JARID2: variants seen among roughly 807,000 people sequenced by gnomAD.
The protein encoded by JARID2 is jumonji and AT-rich interaction domain containing 2.
JARID2 carries 21 observed loss-of-function variants against 125.6 expected under a neutral mutation model. That is an observed-to-expected ratio of 0.17 (90% CI 0.12 to 0.24). The LOEUF is 0.24. JARID2 is among the 10% of genes least tolerant of loss of function. The probability of loss-of-function intolerance (pLI) is 1.00; values close to 1 mark genes in which losing one functional copy is unlikely to be tolerated. For missense variants in JARID2, 1,303 were observed against 1,639.6 expected (o/e 0.79, Z 3.55); for synonymous variants, 736 against 661.6 (o/e 1.11, Z -1.73).
Position 15,513,013 on chromosome 6 carries a change from C to G in JARID2, c.3234C>G (p.Leu1078=). ...AEAKKENGPT[L]STISALLDEL... ...CAAAAAAAGAAAACGGTCCCACTCT[C>G]AGTACCATCTCAGCCCTCCTGGATG... The change falls in exon 15 of 18, where the codon CTC becomes CTG. Residue 1078 remains leucine, a synonymous_variant. Transcript: ENST00000341776. 6.2e-7 allele frequency: 1 copy of G among 1,614,112 alleles called. No homozygotes were observed. Among genetic ancestry groups the G allele is most frequent in the South Asian group, 1.1e-5 (1 of 91,090 alleles).
chr6:15,406,960 T>C lies in JARID2; in HGVS notation c.182-3264T>C, dbSNP rs74739751. ...GTGTCTTTTTTTTTCTGCAAAATTATTGATAAAAGGTACATGAGGCCATGT... is the reference window on the plus strand; with the variant it reads ...GTGTCTTTTTTTTTCTGCAAAATTACTGATAAAAGGTACATGAGGCCATGT... On this transcript the variant is annotated intron_variant, in intron 2 of 17. Coordinates refer to ENST00000341776, the MANE Select transcript of JARID2 (RefSeq NM_004973.4). Among the ~76,000 whole-genome samples the C allele has an allele frequency of 2.6e-5, 4 of 152,232 alleles. No individual in the cohort carries two copies. The East Asian group carries it at 5.8e-4, about 22-fold the overall frequency.
At chr6:15,294,283 C>G (rs1397933094) in intron 1 of JARID2, among the ~76,000 whole-genome samples, 3 of 152,130 alleles carry the variant, frequency 2.0e-5, no homozygotes, top group Non-Finnish European at 4.4e-5. Context: ...GCCTCCACCT[C>G]CCGGGTTCAA....
chr6:15,249,699 G>A (rs1759364301), intron 1 of JARID2, among the ~76,000 whole-genome samples: 1 of 152,158 alleles, frequency 6.6e-6, no homozygotes, highest in Non-Finnish European at 1.5e-5. Flanking sequence ...CTGCTGAGTT[G>A]CCATTTAGTT....
At chr6:15,267,246 C>G (rs748402800) in intron 1 of JARID2, among the ~76,000 whole-genome samples, 2 of 152,136 alleles carry the variant, frequency 1.3e-5, no homozygotes, top group Non-Finnish European at 2.9e-5. Context: ...AACTATTCTC[C>G]CACTCCCATG....
At chr6:15,399,596 CAA>C (rs1765347852) in intron 2 of JARID2, among the ~76,000 whole-genome samples, 1 of 152,068 alleles carries the variant, frequency 6.6e-6, no homozygotes, top group South Asian at 2.1e-4. Flanking sequence ...ATTTAGGAAA[CAA>C]GAGTTGGCCA....
intron 12 of JARID2, chr6:15,509,096 T>C (rs1561914983): frequency 1.6e-6 from 2 of 1,289,296 alleles, no homozygotes; most frequent in South Asian, 2.5e-5. Flanking sequence ...GGCGAGGTGT[T>C]CTGGGTCCCC....
intron 1 of JARID2, among the ~76,000 whole-genome samples, chr6:15,345,937 G>A (rs965208037): frequency 6.6e-6 from 1 of 152,226 alleles, no homozygotes; most frequent in Admixed American, 6.5e-5. Flanking sequence ...CTTGGGATAA[G>A]TTAGCTTTTC....
intron 2 of JARID2, among the ~76,000 whole-genome samples, chr6:15,394,118 A>G (rs983106096): frequency 6.6e-6 from 1 of 152,106 alleles, no homozygotes; most frequent in African/African-American, 2.4e-5. Flanking sequence ...TATATGAGCT[A>G]TGTCTAGTCT....
chr6:15,293,088 C>T (rs1761285829), intron 1 of JARID2, among the ~76,000 whole-genome samples: 1 of 152,332 alleles, frequency 6.6e-6, no homozygotes, highest in Non-Finnish European at 1.5e-5. Context: ...GGAAGTTGAT[C>T]TTTGTCTGTC....
chr6:15,262,815 C>T (rs1759934609), intron 1 of JARID2, among the ~76,000 whole-genome samples: 1 of 152,176 alleles, frequency 6.6e-6, no homozygotes, highest in Admixed American at 6.5e-5. Context: ...AGGCGTGAGC[C>T]ACCGTGCCCG....
intron 6 of JARID2, among the ~76,000 whole-genome samples, chr6:15,494,716 A>AC (rs1172319562): frequency 2.0e-5 from 3 of 151,552 alleles, no homozygotes; most frequent in African/African-American, 7.3e-5. Flanking sequence ...TCCATGCCCC[A>AC]CCCCCACTTA....
chr6:15,498,075 G>A (rs1770553694), intron 7 of JARID2, among the ~76,000 whole-genome samples: 1 of 152,156 alleles, frequency 6.6e-6, no homozygotes, highest in South Asian at 2.1e-4. Context: ...GGTACTGGAG[G>A]TCAGGGCTTC....
rs1431722553 is a variant in JARID2 at position 15,496,926 on chromosome 6, C to T, written c.1701C>T (p.Phe567=). Residue 567 remains phenylalanine, a synonymous_variant, in exon 7 of 18, where the codon TTC becomes TTT. Coordinates refer to ENST00000341776, the MANE Select transcript of JARID2 (RefSeq NM_004973.4). ...TCCTCAGGCCCTCCGCCAAGGAGTT[C>T]CACGATCCGCTCATCTACATCGAGT... ...IPVLRPSAKE[F]HDPLIYIESV... The T allele has an allele frequency of 1.4e-5, 23 of 1,602,782 alleles. No homozygotes were observed. Among genetic ancestry groups the T allele is most frequent in the Non-Finnish European group, 2.0e-5 (23 of 1,172,100 alleles).
At chr6:15,445,927 A>G (rs958933989) in intron 3 of JARID2, among the ~76,000 whole-genome samples, 1 of 152,154 alleles carries the variant, frequency 6.6e-6, no homozygotes, top group Non-Finnish European at 1.5e-5. Flanking sequence ...TTTTATTCTT[A>G]ACGAAACTGA....
At chr6:15,442,605 CG>C (rs779990566) in intron 3 of JARID2, among the ~76,000 whole-genome samples, 8 of 152,158 alleles carry the variant, frequency 5.3e-5, no homozygotes, top group Non-Finnish European at 1.2e-4. Context: ...CTCATAACAA[CG>C]GGGTTATGCC....
At chr6:15,480,159 T>TCTTTTTTTG (rs973876620) in intron 5 of JARID2, among the ~76,000 whole-genome samples, 6 of 152,332 alleles carry the variant, frequency 3.9e-5, no homozygotes, top group Admixed American at 1.3e-4. Flanking sequence ...TTACAGTGAT[T>TCTTTTTTTG]CTTTTTTTTG....
At chr6:15,448,092 C>T (rs910463076) in intron 3 of JARID2, among the ~76,000 whole-genome samples, 1 of 152,178 alleles carries the variant, frequency 6.6e-6, no homozygotes, top group Admixed American at 6.5e-5. Flanking sequence ...TTAGACAATA[C>T]AGGTTCTTCT....
At chr6:15,407,661 C>T (rs1014771434) in intron 2 of JARID2, among the ~76,000 whole-genome samples, 7 of 152,146 alleles carry the variant, frequency 4.6e-5, no homozygotes, top group Non-Finnish European at 7.3e-5. Flanking sequence ...ATCACCACTT[C>T]GTGTTTTTAG....
At chr6:15,394,791 C>T (rs1432093120) in intron 2 of JARID2, among the ~76,000 whole-genome samples, 1 of 152,132 alleles carries the variant, frequency 6.6e-6, no homozygotes, top group Non-Finnish European at 1.5e-5. Context: ...CCTCAAAGCT[C>T]CAAGGGTCAA....
Sources: allele counts gnomAD v4.1 joint callset (sites outside exome capture counted in the v4.1 genomes callset), GRCh38; gene constraint gnomAD v4.1.1; transcripts MANE v1.5; gene names NCBI Gene and HGNC (gene_info 2026-07-23, HGNC 2026-07-21).